The following ELFN1 variants were observed in gnomAD, a reference collection of about 807,000 sequenced individuals.
ELFN1 encodes the protein protein ELFN1.
Under a neutral mutation model 7.6 loss-of-function variants are expected in ELFN1, and 6 were observed. The ratio of observed to expected loss-of-function variants is 0.79; its 90% CI spans 0.43 to 1.56. The LOEUF is 1.56. Ranked by LOEUF, ELFN1 falls within the 40% of genes most tolerant of loss-of-function variation. ELFN1 has a pLI of 0.01. For missense variants in ELFN1, 1,169 were observed against 1,232.2 expected (o/e 0.95, Z 0.77); for synonymous variants, 657 against 588.1 (o/e 1.12, Z -1.70).
rs138087129 is a variant in ELFN1, at chr7:1,694,526, G to C, written c.-456+6376G>C. 8.5e-4 allele frequency among the ~76,000 whole-genome samples: 129 copies of C among 152,326 alleles called. 1 individual carries two copies. The highest frequency in any genetic ancestry group is 1.4e-3 in the Admixed American group (21 of 15,308). Reference sequence around the variant, plus strand: ...CTCCCAGGCCTTCTAGAAAGATAGAGCTCTGGTCCATCAGTCACTCAATAG... The same window carrying C: ...CTCCCAGGCCTTCTAGAAAGATAGACCTCTGGTCCATCAGTCACTCAATAG... On this transcript the variant is annotated intron_variant, in intron 2 of 3. Transcript: ENST00000424383.
At chr7:1,693,813 C>T (rs1250363153) in intron 2 of ELFN1, 2 of 469,262 alleles carry the variant, frequency 4.3e-6, no homozygotes, top group Non-Finnish European at 8.9e-6. Flanking sequence ...TGGGATGGGC[C>T]TCCCCAGGGA....
At chr7:1,700,554 C>T (rs1443839814) in intron 2 of ELFN1, among the ~76,000 whole-genome samples, 3 of 152,222 alleles carry the variant, frequency 2.0e-5, no homozygotes, top group African/African-American at 4.8e-5. Context: ...ATCACTGAAG[C>T]GTGTGCTGTC....
chr7:1,702,798 T>A (rs1177755857), intron 2 of ELFN1, among the ~76,000 whole-genome samples: 1 of 151,436 alleles, frequency 6.6e-6, no homozygotes, highest in African/African-American at 2.5e-5. Context: ...CTGAATCTTA[T>A]AATTTTTGTT....
chr7:1,712,477 G>A (rs578057252), intron 3 of ELFN1, among the ~76,000 whole-genome samples: 16 of 151,484 alleles, frequency 1.1e-4, no homozygotes, highest in African/African-American at 3.6e-4. Flanking sequence ...TGTCACCCAG[G>A]CTGGAGTGCA....
intron 2 of ELFN1, among the ~76,000 whole-genome samples, chr7:1,701,078 C>T (rs966696853): frequency 6.6e-5 from 10 of 151,208 alleles, no homozygotes; most frequent in South Asian, 6.3e-4. Context: ...TGTATGTGTG[C>T]GTGTGTGTGT....
chr7:1,699,476 AATT>A (rs1166158460), intron 2 of ELFN1, among the ~76,000 whole-genome samples: 2 of 152,000 alleles, frequency 1.3e-5, no homozygotes, highest in Admixed American at 6.6e-5. Context: ...TGTCTCTAAA[AATT>A]ATTATTTTTT....
intron 3 of ELFN1, among the ~76,000 whole-genome samples, chr7:1,731,329 C>A (rs911461144): frequency 6.6e-6 from 1 of 152,130 alleles, no homozygotes; most frequent in Admixed American, 6.5e-5. Context: ...ATTCAAATGG[C>A]AAGACTAAAG....
chr7:1,699,658 G>A (rs904300778), intron 2 of ELFN1, among the ~76,000 whole-genome samples: 2 of 151,972 alleles, frequency 1.3e-5, no homozygotes, highest in African/African-American at 4.8e-5. Flanking sequence ...TAAATAAATT[G>A]CCACAGTCAA....
chr7:1,693,220 T>C (rs1433544806), intron 2 of ELFN1: 4 of 404,006 alleles, frequency 9.9e-6, no homozygotes, highest in Admixed American at 8.0e-5. Context: ...GAGATGTTCA[T>C]GGCCGCGTGG....
chr7:1,744,619 C>T lies in ELFN1; in HGVS notation c.23C>T (p.Ala8Val), dbSNP rs567598793. The T allele has an allele frequency of 4.1e-5, 64 of 1,544,644 alleles. 1 individual carries two copies. The highest frequency in any genetic ancestry group is 9.6e-5 in the South Asian group (8 of 83,500). Residue 8 changes from alanine to valine, a missense_variant, in exon 4 of 4, where the codon GCG becomes GTG. Ala to Val is a moderately conservative substitution (Grantham distance 64, BLOSUM62 0). This residue lies in a region of ELFN1 where 255 missense variants were observed against 359.6 expected (regional missense o/e 0.71). Coordinates refer to ENST00000424383, the MANE Select transcript of ELFN1 (RefSeq NM_001128636.4). MAGRGWG[A>V]LWVCVAAATL... Reference sequence around the variant, plus strand: ...CCGATGGCCGGGCGTGGGTGGGGCGCGCTGTGGGTGTGCGTGGCGGCCGCC... The same window carrying T: ...CCGATGGCCGGGCGTGGGTGGGGCGTGCTGTGGGTGTGCGTGGCGGCCGCC...
upstream of ELFN1, among the ~76,000 whole-genome samples, chr7:1,666,149 CG>C (rs1405603544): frequency 6.6e-6 from 1 of 152,030 alleles, no homozygotes; most frequent in Admixed American, 6.5e-5. This position sits in a 1 kb window ranked among gnomAD's most constrained non-coding sequence, Gnocchi z 7.9. Flanking sequence ...GCCTCCAGCC[CG>C]GGGCCCGCAC....
intron 2 of ELFN1, among the ~76,000 whole-genome samples, chr7:1,697,692 G>T (rs989301761): frequency 6.6e-6 from 1 of 152,046 alleles, no homozygotes; most frequent in Admixed American, 6.6e-5. Context: ...TCCTCCTTCC[G>T]GGACTTTATC....
intron 3 of ELFN1, among the ~76,000 whole-genome samples, chr7:1,722,265 CTTT>C (rs35253681): frequency 3.7e-5 from 5 of 135,272 alleles, no homozygotes; most frequent in Middle Eastern, 3.5e-3. Flanking sequence ...TTAGGAGCCA[CTTT>C]TTTTTTTTTT....
At chr7:1,727,432 GA>G (rs757548875) in intron 3 of ELFN1, among the ~76,000 whole-genome samples, 2 of 152,148 alleles carry the variant, frequency 1.3e-5, no homozygotes, top group East Asian at 3.9e-4. Context: ...TTTTCCATGA[GA>G]GGGGCAGGGA....
chr7:1,728,493 G>C (rs1352392458), intron 3 of ELFN1, among the ~76,000 whole-genome samples: 1 of 152,232 alleles, frequency 6.6e-6, no homozygotes, highest in Non-Finnish European at 1.5e-5. Flanking sequence ...CTTCACTCAG[G>C]GTCCTGGCCA....
At chr7:1,737,527 A>C (rs984673455) in intron 3 of ELFN1, among the ~76,000 whole-genome samples, 1 of 152,168 alleles carries the variant, frequency 6.6e-6, no homozygotes, top group Non-Finnish European at 1.5e-5. Context: ...CCCATCCAGG[A>C]GAGAGAGCTT....
At chr7:1,721,030 T>C (rs114928688) in intron 3 of ELFN1, among the ~76,000 whole-genome samples, 3,793 of 152,272 alleles carry the variant, frequency 0.025, 154 homozygotes, top group African/African-American at 0.087. Context: ...GTCATGGTAT[T>C]TCTATGTGTT....
intron 3 of ELFN1, among the ~76,000 whole-genome samples, chr7:1,738,170 C>T (rs140856065): frequency 5.3e-5 from 8 of 152,336 alleles, no homozygotes; most frequent in African/African-American, 9.6e-5. Context: ...ACCCAGACCA[C>T]GGAGGGCGCG....
chr7:1,672,791 A>T (rs897208252), intron 1 of ELFN1, among the ~76,000 whole-genome samples: 1 of 151,926 alleles, frequency 6.6e-6, no homozygotes, highest in African/African-American at 2.4e-5. Flanking sequence ...TGCCAGACTC[A>T]GACACCATCG....
Sources: allele counts gnomAD v4.1 joint callset (sites outside exome capture counted in the v4.1 genomes callset), GRCh38; gene constraint gnomAD v4.1.1; regional missense constraint gnomAD v4.1.1; non-coding constraint Gnocchi (gnomAD v3.1); transcripts MANE v1.5; gene names NCBI Gene and HGNC (gene_info 2026-07-23, HGNC 2026-07-21).